CNTNAP4: variants seen among roughly 807,000 people sequenced by gnomAD.
CNTNAP4 encodes contactin associated protein family member 4.
Under a neutral mutation model 148.4 loss-of-function variants are expected in CNTNAP4, and 98 were observed. The observed-to-expected ratio is 0.66, with a 90% CI of 0.56 to 0.78. The LOEUF is 0.78. Among genes scored for constraint, CNTNAP4 ranks in the 30% least tolerant of loss-of-function variants. CNTNAP4 has a pLI of 0.00. For synonymous variants in CNTNAP4, 730 were observed against 565.1 expected (o/e 1.29, Z -4.14); for missense variants, 1,935 against 1,565.6 (o/e 1.24, Z -3.98).
intron 4 of CNTNAP4, among the ~76,000 whole-genome samples, chr16:76,432,261 A>G (rs1265418272): frequency 3.9e-5 from 6 of 152,276 alleles, no homozygotes; most frequent in Non-Finnish European, 8.8e-5. Flanking sequence ...TTACAGGAAA[A>G]TGGCTATTGT....
chr16:76,518,214 G>T (rs1269593539), intron 15 of CNTNAP4, among the ~76,000 whole-genome samples: 1 of 152,046 alleles, frequency 6.6e-6, no homozygotes, highest in African/African-American at 2.4e-5. Flanking sequence ...TGCAACCTCA[G>T]CCTCCCAGGC....
intron 8 of CNTNAP4, among the ~76,000 whole-genome samples, chr16:76,456,878 G>T (rs959564228): frequency 2.6e-5 from 4 of 152,062 alleles, no homozygotes; most frequent in Non-Finnish European, 4.4e-5. Context: ...ATGTGACCTC[G>T]GTAGTTTCTT....
intron 9 of CNTNAP4, 93 bp from the exon 10 acceptor site, chr16:76,467,259 A>G: frequency 1.9e-6 from 2 of 1,071,070 alleles, no homozygotes; most frequent in Non-Finnish European, 2.7e-6. Context: ...AAATAATCAT[A>G]TGCCTCTTTC....
At chr16:76,478,605 A>C (rs1355824178) in intron 11 of CNTNAP4, among the ~76,000 whole-genome samples, 1 of 152,214 alleles carries the variant, frequency 6.6e-6, no homozygotes, top group Non-Finnish European at 1.5e-5. Flanking sequence ...GCTTAACAGA[A>C]GTTATCAGTA....
intron 2 of CNTNAP4, among the ~76,000 whole-genome samples, chr16:76,341,645 C>G (rs1310601451): frequency 6.6e-6 from 1 of 152,076 alleles, no homozygotes; most frequent in Non-Finnish European, 1.5e-5. Flanking sequence ...TATAGGGCAT[C>G]CATGAATAGA....
rs1456892042 is a variant in CNTNAP4, at chr16:76,316,433, G to C, written c.106G>C (p.Val36Leu). Residue 36 changes from valine (V) to leucine (L), a missense_variant, in exon 2 of 24, where the codon GTG becomes CTG. Physicochemically the swap from Val to Leu is conservative, Grantham distance 32 (BLOSUM62 1). Coordinates refer to ENST00000611870, the MANE Select transcript of CNTNAP4 (RefSeq NM_033401.5). ...GGCAGATGACTGTGATGATCCTCTTGTGTCTGCCTTGCCTCAGGCATCCTT... is the reference window on the plus strand; with the variant it reads ...GGCAGATGACTGTGATGATCCTCTTCTGTCTGCCTTGCCTCAGGCATCCTT... ...GNSYDCDDPL[V>L]SALPQASFSS... 9 of 1,613,522 alleles carry C rather than the reference G, an allele frequency of 5.6e-6. No individual in the cohort carries two copies. Among genetic ancestry groups the C allele is most frequent in the Non-Finnish European group, 6.8e-6 (8 of 1,179,680 alleles).
intron 3 of CNTNAP4, among the ~76,000 whole-genome samples, chr16:76,368,820 TAA>T (rs1241052603): frequency 6.6e-6 from 1 of 151,938 alleles, no homozygotes; most frequent in Non-Finnish European, 1.5e-5. Context: ...TTAAGTATAA[TAA>T]AAAAATAAAA....
chr16:76,287,963 A>G lies in CNTNAP4; in HGVS notation c.85+10216A>G, dbSNP rs77082852. The stretch of plus-strand genomic sequence containing the variant: ...GCAAACAAATGTCTTCCTACTCAGT[A>G]CTTGCTGATCTTTCCACTTTTGTCT... On this transcript the variant is annotated intron_variant, in intron 1 of 23. Coordinates refer to ENST00000611870, the MANE Select transcript of CNTNAP4 (RefSeq NM_033401.5). 4.8e-3 allele frequency among the ~76,000 whole-genome samples: 738 copies of G among 152,218 alleles called. 4 individuals are homozygous for G. The highest frequency in any genetic ancestry group is 0.014 in the Middle Eastern group (4 of 294).
intron 3 of CNTNAP4, among the ~76,000 whole-genome samples, chr16:76,408,652 A>G (rs1398781509): frequency 6.6e-6 from 1 of 152,096 alleles, no homozygotes; most frequent in Non-Finnish European, 1.5e-5. Context: ...CTTAAAATAG[A>G]ATCTAAAGAA....
intron 12 of CNTNAP4, among the ~76,000 whole-genome samples, chr16:76,480,349 G>A (rs2081779311): frequency 6.6e-6 from 1 of 152,148 alleles, no homozygotes; most frequent in Non-Finnish European, 1.5e-5. Context: ...ATTTTCAATA[G>A]CATAAAAACC....
chr16:76,325,222 G>A (rs748663774), intron 2 of CNTNAP4, among the ~76,000 whole-genome samples: 18 of 151,574 alleles, frequency 1.2e-4, no homozygotes, highest in Non-Finnish European at 2.4e-4. Context: ...GAACAAGTAG[G>A]CAAAAAAATG....
At chr16:76,280,904 C>G (rs8061175) in intron 1 of CNTNAP4, among the ~76,000 whole-genome samples, 10,508 of 152,136 alleles carry the variant, frequency 0.069, 1,244 homozygotes, top group African/African-American at 0.24. Context: ...AGTAGTAAGG[C>G]TGATAAGAGT....
intron 2 of CNTNAP4, among the ~76,000 whole-genome samples, chr16:76,343,979 G>C (rs891287147): frequency 2.6e-5 from 4 of 152,122 alleles, no homozygotes; most frequent in African/African-American, 7.2e-5. Flanking sequence ...CAGGGTGCAC[G>C]GATGTTACAG....
chr16:76,433,542 T>A (rs2079694837), intron 4 of CNTNAP4, among the ~76,000 whole-genome samples: 1 of 152,092 alleles, frequency 6.6e-6, no homozygotes, highest in East Asian at 1.9e-4. Context: ...GATTTAAGTT[T>A]AGAAAACATA....
chr16:76,343,344 A>G (rs1294269643), intron 2 of CNTNAP4, among the ~76,000 whole-genome samples: 1 of 152,122 alleles, frequency 6.6e-6, no homozygotes, highest in Non-Finnish European at 1.5e-5. Flanking sequence ...ATACATTACA[A>G]ATAGAAATAA....
intron 2 of CNTNAP4, among the ~76,000 whole-genome samples, chr16:76,322,241 C>A (rs1228037929): frequency 1.3e-5 from 2 of 152,168 alleles, no homozygotes; most frequent in Non-Finnish European, 2.9e-5. Flanking sequence ...ATATTTCTGT[C>A]TTGAGCCCTA....
chr16:76,511,744 A>G (rs1028693184), intron 15 of CNTNAP4, among the ~76,000 whole-genome samples: 1 of 149,090 alleles, frequency 6.7e-6, no homozygotes, highest in African/African-American at 2.5e-5. Flanking sequence ...CTGTTTTTCC[A>G]CTTTTCTTCC....
intron 17 of CNTNAP4, among the ~76,000 whole-genome samples, chr16:76,525,945 G>C (rs2083712344): frequency 6.6e-6 from 1 of 150,558 alleles, no homozygotes; most frequent in African/African-American, 2.4e-5. Flanking sequence ...GTTCATATAT[G>C]GTTATATATC....
chr16:76,303,151 A>G (rs1032137401), intron 1 of CNTNAP4, among the ~76,000 whole-genome samples: 3 of 152,180 alleles, frequency 2.0e-5, no homozygotes, highest in Non-Finnish European at 2.9e-5. Context: ...AATATTCTCC[A>G]TCTAATCTCA....
Sources: allele counts gnomAD v4.1 joint callset (sites outside exome capture counted in the v4.1 genomes callset), GRCh38; gene constraint gnomAD v4.1.1; transcripts MANE v1.5; gene names NCBI Gene and HGNC (gene_info 2026-07-23, HGNC 2026-07-21).